The following GAS2 variants were observed in gnomAD, a reference collection of about 807,000 sequenced individuals.
The protein encoded by GAS2 is growth arrest-specific protein 2.
GAS2 carries 20 observed loss-of-function variants against 37.5 expected under a neutral mutation model. That is an observed-to-expected ratio of 0.53 (90% CI 0.37 to 0.77). The LOEUF is 0.77. GAS2 is among the 30% of genes least tolerant of loss of function. GAS2 has a pLI of 0.00. For synonymous variants in GAS2, 144 were observed against 132.2 expected (o/e 1.09, Z -0.61); for missense variants, 336 against 373.4 (o/e 0.90, Z 0.82).
At chr11:22,666,156 C>A (rs906075031), upstream of GAS2, among the ~76,000 whole-genome samples, 2 of 152,164 alleles carry the variant, frequency 1.3e-5, no homozygotes, top group Non-Finnish European at 2.9e-5. Context: ...CTCTGACATT[C>A]AACATAATGC....
intron 7 of GAS2, among the ~76,000 whole-genome samples, chr11:22,777,501 A>G (rs543168916): frequency 6.6e-6 from 1 of 152,286 alleles, no homozygotes; most frequent in Admixed American, 6.5e-5. Context: ...GAATTGTGAC[A>G]AGTAGGATCA....
intron 1 of GAS2, among the ~76,000 whole-genome samples, chr11:22,648,075 C>T (rs1385548930): frequency 6.6e-6 from 1 of 152,136 alleles, no homozygotes; most frequent in African/African-American, 2.4e-5. Flanking sequence ...TTTAAGTCTT[C>T]AATCCATCTT....
At chr11:22,651,208 G>T (rs904925351) in intron 1 of GAS2, among the ~76,000 whole-genome samples, 2 of 151,964 alleles carry the variant, frequency 1.3e-5, no homozygotes, top group African/African-American at 4.8e-5. Context: ...GAAATTCTGG[G>T]TTGAAAATTC....
intron 7 of GAS2, among the ~76,000 whole-genome samples, chr11:22,798,919 GAAT>G (rs1202858044): frequency 1.3e-5 from 2 of 152,072 alleles, no homozygotes; most frequent in Non-Finnish European, 2.9e-5. Flanking sequence ...TGCCATTTCA[GAAT>G]AATATTAGAC....
Position 22,749,359 on chromosome 11 carries a change from ATCAATTTTCTTGAAATGTAT to A in GAS2, c.615+100_615+119del, listed in dbSNP as rs1450807044. ...TCGTATCAGTCTAATCTTTACCTAT[ATCAATTTTCTTGAAATGTAT>A]TTTAAGCCCATATGAAAAACTTTGT... On this transcript the variant is annotated intron_variant, in intron 6 of 7. Transcript: ENST00000454584. 5 of 1,112,654 alleles carry A rather than the reference ATCAATTTTCTTGAAATGTAT, an allele frequency of 4.5e-6. No individual in the cohort carries two copies. In the African/African-American group the frequency reaches 8.1e-5, roughly 18 times the overall value. The allele number at this position is 1,112,654 out of a possible 1,614,324, so 68.9% of individuals were successfully genotyped here. A position where few individuals can be genotyped will look rare whatever the true frequency, so the allele number is the denominator to read the frequency against.
At chr11:22,802,308 T>G (rs1590147937) in intron 7 of GAS2, among the ~76,000 whole-genome samples, 2 of 150,564 alleles carry the variant, frequency 1.3e-5, no homozygotes, top group African/African-American at 4.9e-5. Flanking sequence ...GGGCCTGTTG[T>G]GGGGTGGAGG....
At chr11:22,782,681 G>T (rs1855609110) in intron 7 of GAS2, among the ~76,000 whole-genome samples, 1 of 144,410 alleles carries the variant, frequency 6.9e-6, no homozygotes, top group South Asian at 2.2e-4. Flanking sequence ...CTATTCCTGT[G>T]TTAGTTAGGT....
At chr11:22,762,340 C>T (rs1440297585) in intron 7 of GAS2, among the ~76,000 whole-genome samples, 12 of 152,054 alleles carry the variant, frequency 7.9e-5, no homozygotes, top group African/African-American at 2.9e-4. Flanking sequence ...ATATTTATAT[C>T]ACAGGATTCT....
At chr11:22,669,004 A>G (rs78442010) in intron 1 of GAS2, among the ~76,000 whole-genome samples, 5,148 of 152,278 alleles carry the variant, frequency 0.034, 89 homozygotes, top group Middle Eastern at 0.078. Flanking sequence ...ATTAAGTAAG[A>G]GGCTTATGTA....
chr11:22,718,509 TG>T (rs1386709721), intron 3 of GAS2, among the ~76,000 whole-genome samples: 2 of 125,134 alleles, frequency 1.6e-5, no homozygotes, highest in Non-Finnish European at 3.3e-5. Flanking sequence ...ATGGGGACTT[TG>T]GGGGAAGGGT....
In GAS2 at chr11:22,767,275, G is replaced by T. The variant is rs545736550; in HGVS notation, c.723+11322G>T. Among the ~76,000 whole-genome samples the T allele has an allele frequency of 6.6e-5, 10 of 151,958 alleles. No homozygotes were observed. The South Asian group carries it at 2.1e-3, about 32-fold the overall frequency. ...GTAATCCTGTTAGTGATTGATCCAGGTTAAATTATATTATGAAAATTTATA... is the reference window on the plus strand; with the variant it reads ...GTAATCCTGTTAGTGATTGATCCAGTTTAAATTATATTATGAAAATTTATA... On this transcript the variant is annotated intron_variant, in intron 7 of 7. Coordinates refer to ENST00000454584, the MANE Select transcript of GAS2 (RefSeq NM_001143830.3).
At chr11:22,785,307 T>C (rs1186506550) in intron 7 of GAS2, among the ~76,000 whole-genome samples, 1 of 152,156 alleles carries the variant, frequency 6.6e-6, no homozygotes, top group African/African-American at 2.4e-5. Flanking sequence ...CCATTCATCC[T>C]GGGTGAAGGA....
At chr11:22,744,164 CCAA>C (rs932179562) in intron 5 of GAS2, among the ~76,000 whole-genome samples, 4 of 151,902 alleles carry the variant, frequency 2.6e-5, no homozygotes, top group African/African-American at 9.7e-5. Flanking sequence ...ACCACCACCA[CCAA>C]CAACAAAAAA....
chr11:22,627,068 G>A (rs1451908016), intron 1 of GAS2, among the ~76,000 whole-genome samples: 2 of 152,106 alleles, frequency 1.3e-5, no homozygotes, highest in African/African-American at 4.8e-5. Flanking sequence ...GCTGGGATTA[G>A]AGGCGTGTGC....
At chr11:22,752,248 C>T (rs374283558) in intron 6 of GAS2, among the ~76,000 whole-genome samples, 38 of 152,020 alleles carry the variant, frequency 2.5e-4, no homozygotes, top group African/African-American at 8.7e-4. Flanking sequence ...TCTTGTTTAA[C>T]CTGGAATCTT....
At chr11:22,758,512 C>G (rs1198118834) in intron 7 of GAS2, among the ~76,000 whole-genome samples, 1 of 152,064 alleles carries the variant, frequency 6.6e-6, no homozygotes, top group African/African-American at 2.4e-5. Flanking sequence ...TGAACCTGTC[C>G]AATGCAAAGA....
rs5013066 is a variant in GAS2, at chr11:22,671,991, A to G, written c.-20-2859A>G. Among the ~76,000 whole-genome samples the G allele has an allele frequency of 7.5e-3, 1,136 of 152,228 alleles. 101 individuals are homozygous for G. In the East Asian group the frequency reaches 0.18, roughly 25 times the overall value. On this transcript the variant is annotated intron_variant, in intron 1 of 7. Coordinates refer to ENST00000454584, the MANE Select transcript of GAS2 (RefSeq NM_001143830.3). ...GTTTGGCAGTGATTTGAAATGTGAA[A>G]AAAAGGATCATGAGAAATTGGATTG... is the stretch of plus-strand genomic sequence containing the variant.
At chr11:22,800,525 G>C (rs1856616169) in intron 7 of GAS2, among the ~76,000 whole-genome samples, 1 of 152,054 alleles carries the variant, frequency 6.6e-6, no homozygotes, top group Non-Finnish European at 1.5e-5. Context: ...CTAGTGAAGA[G>C]TGAGAGATGA....
At chr11:22,725,167 T>G (rs1565111204) in intron 3 of GAS2, among the ~76,000 whole-genome samples, 1 of 152,084 alleles carries the variant, frequency 6.6e-6, no homozygotes, top group African/African-American at 2.4e-5. Context: ...AATTTATTTC[T>G]ATTAAAGAAA....
Sources: gnomAD v4.1 joint callset for allele counts (sites outside exome capture counted in the v4.1 genomes callset) on GRCh38, gnomAD v4.1.1 for gene constraint, MANE v1.5 for transcripts, NCBI Gene and HGNC (gene_info 2026-07-23, HGNC 2026-07-21) for gene names.